Variants in PLAGL1 observed in about 807,000 individuals in gnomAD.
PLAGL1 encodes PLAG1 like zinc finger 1.
Under a neutral mutation model 4.6 loss-of-function variants are expected in PLAGL1, and 1 was observed. The ratio of observed to expected loss-of-function variants is 0.22; its 90% CI spans 0.08 to 1.03. PLAGL1 has a LOEUF of 1.03. PLAGL1 is among the 50% of genes least tolerant of loss of function. PLAGL1 has a pLI of 0.58. For missense variants in PLAGL1, 464 were observed against 570.4 expected, an observed-to-expected ratio of 0.81 and a Z score of 1.90; for synonymous variants, 240 against 237.8, an observed-to-expected ratio of 1.01 and a Z score of -0.08.
upstream of PLAGL1, among the ~76,000 whole-genome samples, chr6:144,012,592 G>T (rs1267375828): frequency 6.6e-6 from 1 of 152,146 alleles, no homozygotes; most frequent in Non-Finnish European, 1.5e-5. The surrounding 1 kb of genome is among the most constrained non-coding windows in gnomAD (Gnocchi z 4.8). Flanking sequence ...TCTTTATCCA[G>T]AAGTCAGTCA....
Position 144,061,696 on chromosome 6 carries a change from G to A in PLAGL1, c.-151+2772C>T, listed in dbSNP as rs746945343. On this transcript the variant is annotated intron_variant, in intron 1 of 3. Coordinates refer to the PLAGL1 transcript ENST00000437412. This position sits in a 1 kb window ranked among gnomAD's most constrained non-coding sequence, Gnocchi z 4.4. ...TGTATATGAAAAAATAAGTCCCTGA[G>A]GAAGAAGTTGGCAGCCAGATTTGAT... Among the ~76,000 whole-genome samples the A allele has an allele frequency of 6.6e-6, 1 of 152,128 alleles. No individual in the cohort carries two copies. The highest frequency in any genetic ancestry group is 1.5e-5 in the Non-Finnish European group (1 of 68,030).
In PLAGL1 at chr6:143,982,265, G is replaced by A. The variant is rs1295878253; in HGVS notation, c.-544+2870C>T. 6.6e-6 allele frequency among the ~76,000 whole-genome samples: 1 copy of A among 152,122 alleles called. No individual in the cohort carries two copies. Among genetic ancestry groups the A allele is most frequent in the East Asian group, 1.9e-4 (1 of 5,202 alleles). On this transcript the variant is annotated intron_variant, in intron 2 of 7. Coordinates refer to ENST00000674357, the MANE Select transcript of PLAGL1 (RefSeq NM_001317162.2). The surrounding 1 kb of genome is among the most constrained non-coding windows in gnomAD (Gnocchi z 5.3). The stretch of plus-strand genomic sequence containing the variant: ...TCAGGGAAAAAGGCATGGGTGAGAG[G>A]ATGACAATTTAGGGAGGATCTGAAG...
upstream of PLAGL1, among the ~76,000 whole-genome samples, chr6:144,012,029 T>C (rs748089735): frequency 5.9e-5 from 9 of 152,174 alleles, no homozygotes; most frequent in Non-Finnish European, 1.3e-4. This position sits in a 1 kb window ranked among gnomAD's most constrained non-coding sequence, Gnocchi z 4.8. Context: ...CAACATGTCT[T>C]GCAGCGGTGG....
intron 1 of PLAGL1, chr6:144,007,535 C>T (rs951123783): frequency 1.3e-5 from 2 of 152,170 alleles, no homozygotes; most frequent in African/African-American, 4.8e-5. Context: ...ATCCCCATTC[C>T]GCCCTGAAAG....
intron 1 of PLAGL1, among the ~76,000 whole-genome samples, chr6:144,060,134 A>G (rs956799320): frequency 4.0e-5 from 6 of 151,660 alleles, no homozygotes; most frequent in African/African-American, 1.5e-4. Context: ...TGCAGCCTCG[A>G]CCTCCCAGAC....
In PLAGL1 at chr6:143,952,554, G is replaced by A. The variant is rs563770122; in HGVS notation, c.-324-4094C>T. 8.5e-5 allele frequency among the ~76,000 whole-genome samples: 13 copies of A among 152,296 alleles called. No homozygotes were observed. The South Asian group carries it at 2.7e-3, about 32-fold the overall frequency. On this transcript the variant is annotated intron_variant, in intron 6 of 7. Transcript: ENST00000674357. The surrounding 1 kb of genome is among the most constrained non-coding windows in gnomAD (Gnocchi z 6.1). The stretch of plus-strand genomic sequence containing the variant: ...CTCATGTTGATTATTTTGGGGATGA[G>A]AGAGGATCAGACGGGAAGAAGAACA...
intron 2 of PLAGL1, among the ~76,000 whole-genome samples, chr6:143,976,018 T>C (rs1385767167): frequency 6.6e-6 from 1 of 152,202 alleles, no homozygotes. Context: ...AGATTAATTA[T>C]GTAGCACAAG....
rs1789817238 is a variant in PLAGL1, at chr6:143,989,036, CAGAG to C, written c.-583-3866_-583-3863del. Among the ~76,000 whole-genome samples the C allele has an allele frequency of 6.6e-6, 1 of 152,152 alleles. No individual in the cohort carries two copies. Among genetic ancestry groups the C allele is most frequent in the African/African-American group, 2.4e-5 (1 of 41,446 alleles). On this transcript the variant is annotated intron_variant, in intron 1 of 7. Transcript: ENST00000674357. This position sits in a 1 kb window ranked among gnomAD's most constrained non-coding sequence, Gnocchi z 4.8. ...CTGCAAAATCTCACACCAAAAATAACAGAGGGAGAAAAATTCAGAGTAGACCACT... is the reference window on the plus strand; with the variant it reads ...CTGCAAAATCTCACACCAAAAATAACGGAGAAAAATTCAGAGTAGACCACT...
Position 143,971,027 on chromosome 6 carries a change from CA to C in PLAGL1, c.-543-2050del, listed in dbSNP as rs1467917965. Among the ~76,000 whole-genome samples, 1 of 152,028 alleles carries C rather than the reference CA, an allele frequency of 6.6e-6. No individual in the cohort carries two copies. Among genetic ancestry groups the C allele is most frequent in the Non-Finnish European group, 1.5e-5 (1 of 68,016 alleles). Reference sequence around the variant, plus strand: ...CTCCCTACTTTGGTATTATGTCACACAAAATTACTTCCAGAAACTGGGAGGG... The same window carrying C: ...CTCCCTACTTTGGTATTATGTCACACAAATTACTTCCAGAAACTGGGAGGG... On this transcript the variant is annotated intron_variant, in intron 2 of 7. Transcript: ENST00000674357. The surrounding 1 kb of genome is among the most constrained non-coding windows in gnomAD (Gnocchi z 4.7).
Position 143,950,445 on chromosome 6 carries a change from A to T in PLAGL1, c.-324-1985T>A, listed in dbSNP as rs1780808758. Among the ~76,000 whole-genome samples, 1 of 152,160 alleles carries T rather than the reference A, an allele frequency of 6.6e-6. No individual in the cohort carries two copies. The highest frequency in any genetic ancestry group is 1.5e-5 in the Non-Finnish European group (1 of 68,022). On this transcript the variant is annotated intron_variant, in intron 6 of 7. Coordinates refer to ENST00000674357, the MANE Select transcript of PLAGL1 (RefSeq NM_001317162.2). The surrounding 1 kb of genome is among the most constrained non-coding windows in gnomAD (Gnocchi z 6.3). ...GCCTGCCGAGTTTGCTCTGCTAGGT[A>T]TCATGATCTGTTCTACTTCTCACCC...
At position 144,048,301 on chromosome 6, in the gene PLAGL1, G is replaced by A. The variant is rs1798319520; in HGVS notation, c.-151+16167C>T. ...GGATCTAGCATTCTGGGATCTGGAG[G>A]ACAGTGGCCCTCTTCTCACAGCTCC... On this transcript the variant is annotated intron_variant, in intron 1 of 3. Coordinates refer to the PLAGL1 transcript ENST00000437412. The surrounding 1 kb of genome is among the most constrained non-coding windows in gnomAD (Gnocchi z 4.8). Among the ~76,000 whole-genome samples the A allele has an allele frequency of 6.6e-6, 1 of 152,198 alleles. No homozygotes were observed. Among genetic ancestry groups the A allele is most frequent in the African/African-American group, 2.4e-5 (1 of 41,454 alleles).
chr6:143,951,796 A>ATCTT (rs1562404469), intron 6 of PLAGL1, among the ~76,000 whole-genome samples: 1 of 152,220 alleles, frequency 6.6e-6, no homozygotes, highest in African/African-American at 2.4e-5. Context: ...TTTCATGAAT[A>ATCTT]TCTTTTCCCA....
Position 143,941,822 on chromosome 6 carries a change from C to G in PLAGL1, c.994G>C (p.Glu332Gln), listed in dbSNP as rs1778655858. ...TKGFCNISLFEDLPLQEPQSP... is the reference protein window; with the variant it reads ...TKGFCNISLFQDLPLQEPQSP... ...TGAGGCTCTTGCAGAGGCAAGTCCT[C>G]AAACAAACTGATATTGCAAAAACCT... The change falls in exon 8 of 8, where the codon GAG (glutamate) becomes CAG (glutamine). Residue 332 changes from glutamate (E) to glutamine (Q), a missense_variant. Physicochemically the swap from Glu to Gln is conservative, Grantham distance 29 (BLOSUM62 2). Coordinates refer to ENST00000674357, the MANE Select transcript of PLAGL1 (RefSeq NM_001317162.2). The surrounding 1 kb of genome is among the most constrained non-coding windows in gnomAD (Gnocchi z 6.0). 3 of 1,614,118 alleles carry G rather than the reference C, an allele frequency of 1.9e-6. No individual in the cohort carries two copies. Among genetic ancestry groups the G allele is most frequent in the Admixed American group, 3.3e-5 (2 of 60,014 alleles).
intron 3 of PLAGL1, chr6:143,967,076 G>A (rs1784553199): frequency 6.6e-6 from 1 of 152,156 alleles, no homozygotes; most frequent in African/African-American, 2.4e-5. Flanking sequence ...GTCTAGTGTA[G>A]AGGGCACTGG....
intron 1 of PLAGL1, among the ~76,000 whole-genome samples, chr6:144,038,995 G>C (rs964900859): frequency 6.6e-5 from 10 of 152,104 alleles, no homozygotes; most frequent in African/African-American, 2.4e-4. Flanking sequence ...AGAAAACCAT[G>C]CCAAGAGACA....
intron 1 of PLAGL1, among the ~76,000 whole-genome samples, chr6:144,035,437 C>T (rs1349109662): frequency 2.6e-5 from 4 of 152,142 alleles, no homozygotes; most frequent in East Asian, 1.9e-4. Context: ...AGATGAAGGC[C>T]GGAAGACTCA....
In PLAGL1 at chr6:144,061,021, C is replaced by CA; in HGVS notation, c.-151+3446dup. Among the ~76,000 whole-genome samples the CA allele has an allele frequency of 6.6e-6, 1 of 152,246 alleles. No homozygotes were observed. Among genetic ancestry groups the CA allele is most frequent in the Non-Finnish European group, 1.5e-5 (1 of 68,012 alleles). On this transcript the variant is annotated intron_variant, in intron 1 of 3. Coordinates refer to the PLAGL1 transcript ENST00000437412. This position sits in a 1 kb window ranked among gnomAD's most constrained non-coding sequence, Gnocchi z 4.4. ...TTCCACCATTTCTCTCCCCTGCCCCCAAAAGGAGACCTCCACTTATAAGCC... is the reference window on the plus strand; with the variant it reads ...TTCCACCATTTCTCTCCCCTGCCCCCAAAAAGGAGACCTCCACTTATAAGCC...
In PLAGL1 at chr6:143,978,310, T is replaced by C. The variant is rs1787167771; in HGVS notation, c.-544+6825A>G. 1.3e-5 allele frequency among the ~76,000 whole-genome samples: 2 copies of C among 152,198 alleles called. No homozygotes were observed. The highest frequency in any genetic ancestry group is 1.3e-4 in the Admixed American group (2 of 15,286). On this transcript the variant is annotated intron_variant, in intron 2 of 7. Transcript: ENST00000674357. The surrounding 1 kb of genome is among the most constrained non-coding windows in gnomAD (Gnocchi z 4.6). The stretch of plus-strand genomic sequence containing the variant: ...TCTTTTTCTTTTCTAATACATCATT[T>C]AATGCTACAAATTTTGAAGCACTGT...
Position 143,994,510 on chromosome 6 carries a change from C to A in PLAGL1, c.-583-9336G>T, listed in dbSNP as rs1191465789. ...GTGCGGACAGATTTAACAAGGCAGC[C>A]CTACTTCACAGTAGCTCTTGAAATC... On this transcript the variant is annotated intron_variant, in intron 1 of 7. Coordinates refer to ENST00000674357, the MANE Select transcript of PLAGL1 (RefSeq NM_001317162.2). The surrounding 1 kb of genome is among the most constrained non-coding windows in gnomAD (Gnocchi z 4.3). Among the ~76,000 whole-genome samples the A allele has an allele frequency of 6.6e-6, 1 of 152,134 alleles. No homozygotes were observed. Among genetic ancestry groups the A allele is most frequent in the African/African-American group, 2.4e-5 (1 of 41,420 alleles).
Sources: gnomAD v4.1 joint callset for allele counts (sites outside exome capture counted in the v4.1 genomes callset) on GRCh38, gnomAD v4.1.1 for gene constraint, Gnocchi (gnomAD v3.1) non-coding constraint, MANE v1.5 for transcripts, NCBI Gene and HGNC (gene_info 2026-07-23, HGNC 2026-07-21) for gene names.